The following SESTD1 variants were observed in gnomAD, a reference collection of about 807,000 sequenced individuals.
The protein encoded by SESTD1 is SEC14 domain and spectrin repeat-containing protein 1.
SESTD1 carries 43 observed loss-of-function variants against 101.7 expected under a neutral mutation model. The ratio of observed to expected loss-of-function variants is 0.42; its 90% CI spans 0.33 to 0.55. The LOEUF (loss-of-function observed/expected upper bound fraction) is 0.55, where lower values mean the gene tolerates loss of function less well. Ranked by LOEUF, SESTD1 falls within the 20% of genes least tolerant of loss-of-function variation. The probability of loss-of-function intolerance (pLI) is 0.07; values close to 1 mark genes in which losing one functional copy is unlikely to be tolerated. For missense variants in SESTD1, 647 were observed against 815.1 expected (o/e 0.79, Z 2.51); for synonymous variants, 283 against 286.8 (o/e 0.99, Z 0.13).
chr2:179,207,170 G>A (rs1172927754), intron 1 of SESTD1, among the ~76,000 whole-genome samples: 1 of 134,130 alleles, frequency 7.5e-6, no homozygotes, highest in East Asian at 2.0e-4. Flanking sequence ...AACCAAACCG[G>A]AGAAACCAAA....
At chr2:179,263,454 G>A (rs1177510665) in intron 1 of SESTD1, among the ~76,000 whole-genome samples, 1 of 152,116 alleles carries the variant, frequency 6.6e-6, no homozygotes, top group Non-Finnish European at 1.5e-5. Flanking sequence ...GTGTGTCTGT[G>A]TATGTAGGTA....
At position 179,121,917 on chromosome 2, in the gene SESTD1, T is replaced by C. The variant is rs1288487083; in HGVS notation, c.1295A>G (p.Gln432Arg). Residue 432 changes from glutamine (Q) to arginine (R), a missense_variant, in exon 13 of 18, where the codon CAA becomes CGA. Transcript: ENST00000428443. The stretch of plus-strand genomic sequence containing the variant: ...ACCTTGACCTTTTTCACGCAAACCT[T>C]GCAATCCCACATCTAAAACAAAAGT... ...EKLKSVDVGL[Q>R]GLREKGQGLL... 2.5e-6 allele frequency: 4 copies of C among 1,600,702 alleles called. No homozygotes were observed. The highest frequency in any genetic ancestry group is 3.4e-6 in the Non-Finnish European group (4 of 1,175,920).
intron 7 of SESTD1, 141 bp downstream of exon 7, chr2:179,149,156 C>A (rs1332857088): frequency 4.5e-6 from 2 of 444,650 alleles, no homozygotes; most frequent in African/African-American, 4.3e-5. Flanking sequence ...TTCAAATTCT[C>A]ACGAATATTG....
chr2:179,124,515 G>C lies in SESTD1; in HGVS notation c.1016C>G (p.Ala339Gly). The change falls in exon 11 of 18, where the codon GCA (alanine) becomes GGA (glycine). Residue 339 changes from alanine to glycine, a missense_variant. Around this residue, in one of 3 missense-constraint regions of SESTD1, gnomAD observed 476 missense variants for 562.6 expected, o/e 0.85. Transcript: ENST00000428443. ...VYVELNQQIA[A>G]LLNAGDEEDL... is the part of the protein sequence containing the mutation. ...TTCCTCATCGCCAGCATTCAAGAGTGCTGCAATTTGCTGATTAAGTTCCAC... is the reference window on the plus strand; with the variant it reads ...TTCCTCATCGCCAGCATTCAAGAGTCCTGCAATTTGCTGATTAAGTTCCAC... 6.2e-7 allele frequency: 1 copy of C among 1,614,034 alleles called. No homozygotes were observed. Among genetic ancestry groups the C allele is most frequent in the East Asian group, 2.2e-5 (1 of 44,858 alleles).
chr2:179,133,360 C>T (rs1286543042), intron 9 of SESTD1, among the ~76,000 whole-genome samples: 1 of 152,082 alleles, frequency 6.6e-6, no homozygotes, highest in East Asian at 1.9e-4. Context: ...TTACTATAAG[C>T]AATATTGCCT....
chr2:179,167,449 C>A (rs1575456859), intron 5 of SESTD1, among the ~76,000 whole-genome samples: 1 of 151,968 alleles, frequency 6.6e-6, no homozygotes, highest in African/African-American at 2.4e-5. Flanking sequence ...AGAAAAAGGG[C>A]AGATAAAATA....
At chr2:179,171,776 T>TA (rs1322009672) in intron 5 of SESTD1, among the ~76,000 whole-genome samples, 2 of 152,146 alleles carry the variant, frequency 1.3e-5, no homozygotes, top group Non-Finnish European at 2.9e-5. Flanking sequence ...AAATAGACTA[T>TA]AATTTCAACT....
Position 179,128,324 on chromosome 2 carries a change from C to T in SESTD1, c.973-3766G>A, listed in dbSNP as rs565378310. 1.2e-4 allele frequency among the ~76,000 whole-genome samples: 18 copies of T among 152,104 alleles called. No individual in the cohort carries two copies. In the East Asian group the frequency reaches 3.1e-3, roughly 26 times the overall value. ...CTGAAATTAGAGACATTGATATTAC[C>T]GATTGAGGTTGCCATAAAGAAATAG... On this transcript the variant is annotated intron_variant, in intron 10 of 17. Transcript: ENST00000428443.
chr2:179,159,931 T>C (rs1474978491), intron 5 of SESTD1, among the ~76,000 whole-genome samples: 2 of 152,242 alleles, frequency 1.3e-5, no homozygotes, highest in East Asian at 3.8e-4. Flanking sequence ...CTCAGCTCAC[T>C]GCAACCTCCA....
chr2:179,161,702 GA>G (rs1157191159), intron 5 of SESTD1, among the ~76,000 whole-genome samples: 1 of 151,830 alleles, frequency 6.6e-6, no homozygotes, highest in African/African-American at 2.4e-5. Context: ...AAATACAGCG[GA>G]AAAGCTATTT....
At chr2:179,235,915 A>G (rs370491061) in intron 1 of SESTD1, among the ~76,000 whole-genome samples, 1 of 152,180 alleles carries the variant, frequency 6.6e-6, no homozygotes. Flanking sequence ...CGCTGAAATA[A>G]CATTACTACA....
At chr2:179,162,686 G>C (rs1051271437) in intron 5 of SESTD1, among the ~76,000 whole-genome samples, 7 of 151,822 alleles carry the variant, frequency 4.6e-5, no homozygotes, top group African/African-American at 1.5e-4. Context: ...TGTAGATTCT[G>C]TTTAGAACAA....
intron 16 of SESTD1, among the ~76,000 whole-genome samples, chr2:179,114,855 C>T (rs1161176725): frequency 6.6e-6 from 1 of 152,156 alleles, no homozygotes; most frequent in Non-Finnish European, 1.5e-5. Context: ...TGGATTTCTC[C>T]AATCATGGCT....
At chr2:179,138,852 T>C (rs937806081) in intron 9 of SESTD1, among the ~76,000 whole-genome samples, 5 of 87,882 alleles carry the variant, frequency 5.7e-5, no homozygotes, top group Admixed American at 1.9e-4. Flanking sequence ...GCCTGGGTAA[T>C]AGACTGAAAC....
chr2:179,233,808 G>A (rs374511999), intron 1 of SESTD1, among the ~76,000 whole-genome samples: 31 of 152,020 alleles, frequency 2.0e-4, no homozygotes, highest in Non-Finnish European at 7.4e-5. Flanking sequence ...GCATGCATGC[G>A]TGTGTGTGCA....
At chr2:179,124,294 GA>G in intron 11 of SESTD1, 69 bp downstream of exon 11, 7 of 1,459,340 alleles carry the variant, frequency 4.8e-6, no homozygotes, top group Non-Finnish European at 6.5e-6. Flanking sequence ...ATGCAAACCT[GA>G]AAAAAATTAC....
intron 5 of SESTD1, among the ~76,000 whole-genome samples, chr2:179,155,255 C>G (rs952831703): frequency 6.6e-6 from 1 of 151,940 alleles, no homozygotes; most frequent in Non-Finnish European, 1.5e-5. Context: ...GGCTTTCACA[C>G]TAGGGAAATT....
chr2:179,211,892 C>T (rs1164465688), intron 1 of SESTD1, among the ~76,000 whole-genome samples: 1 of 133,776 alleles, frequency 7.5e-6, no homozygotes, highest in Non-Finnish European at 1.6e-5. Context: ...TAAAAGACTA[C>T]ACACTGGGTT....
rs906061864 is a variant in SESTD1 at position 179,212,529 on chromosome 2, T to C, written c.-25-20663A>G. On this transcript the variant is annotated intron_variant, in intron 1 of 17. Transcript: ENST00000428443. Reference sequence around the variant, plus strand: ...GCCCACCACAGCTCAACAAGGCCTATTGCCTCTATAGACTCCACCTCTGTG... The same window carrying C: ...GCCCACCACAGCTCAACAAGGCCTACTGCCTCTATAGACTCCACCTCTGTG... Among the ~76,000 whole-genome samples, 14 of 135,926 alleles carry C rather than the reference T, an allele frequency of 1.0e-4. 4 individuals carry two copies. Among genetic ancestry groups the C allele is most frequent in the African/African-American group, 2.9e-4 (10 of 34,508 alleles). 89.2% of individuals were successfully genotyped at this position (135,926 alleles called of 152,430 possible).
Sources: allele counts gnomAD v4.1 joint callset (sites outside exome capture counted in the v4.1 genomes callset), GRCh38; gene constraint gnomAD v4.1.1; regional missense constraint gnomAD v4.1.1; transcripts MANE v1.5; gene names NCBI Gene and HGNC (gene_info 2026-07-23, HGNC 2026-07-21).